CHST11: variants seen among roughly 807,000 people sequenced by gnomAD.
CHST11 encodes the protein carbohydrate sulfotransferase 11.
Under a neutral mutation model 30.4 loss-of-function variants are expected in CHST11, and 9 were observed. The observed-to-expected ratio is 0.30, with a 90% CI of 0.18 to 0.52. The LOEUF is 0.52. Among genes scored for constraint, CHST11 ranks in the 20% least tolerant of loss-of-function variants. CHST11 has a pLI of 0.97. For synonymous variants in CHST11, 152 were observed against 187.8 expected, an observed-to-expected ratio of 0.81 and a Z score of 1.56; for missense variants, 348 against 460.6, an observed-to-expected ratio of 0.76 and a Z score of 2.24.
chr12:104,472,390 TACACACACAC>T (rs111810878), intron 1 of CHST11, among the ~76,000 whole-genome samples: 4 of 149,866 alleles, frequency 2.7e-5, no homozygotes, highest in East Asian at 1.9e-4. Context: ...CAAAGTTTTA[TACACACACAC>T]ACACACACAC....
At chr12:104,739,018 G>A (rs1012284754) in intron 2 of CHST11, among the ~76,000 whole-genome samples, 1 of 152,232 alleles carries the variant, frequency 6.6e-6, no homozygotes, top group Admixed American at 6.5e-5. Context: ...TGCTGGGCAG[G>A]GGTGAGGGGT....
At chr12:104,699,729 TA>T (rs2039976258) in intron 2 of CHST11, among the ~76,000 whole-genome samples, 1 of 152,182 alleles carries the variant, frequency 6.6e-6, no homozygotes, top group South Asian at 2.1e-4. Flanking sequence ...ATAAGCAGAG[TA>T]ACTGGAGCCC....
In CHST11 at chr12:104,457,362, C is replaced by G. The variant is rs749329576; in HGVS notation, c.-50C>G. 7.0e-7 allele frequency: 1 copy of G among 1,423,364 alleles called. No individual in the cohort carries two copies. The highest frequency in any genetic ancestry group is 1.4e-5 in the African/African-American group (1 of 71,184). 88.2% of individuals were successfully genotyped at this position (1,423,364 alleles called of 1,614,324 possible). ...GCGCGGCGGGGTCCCTGCTCCTGCG[C>G]CCCGGGCGCGCTTCCCGGACACCCC... On this transcript the variant is annotated 5_prime_UTR_variant, in exon 1 of 3. Coordinates refer to ENST00000303694, the MANE Select transcript of CHST11 (RefSeq NM_018413.6).
intron 2 of CHST11, among the ~76,000 whole-genome samples, chr12:104,708,859 G>T (rs1385122941): frequency 2.0e-5 from 3 of 152,168 alleles, no homozygotes; most frequent in Non-Finnish European, 2.9e-5. Flanking sequence ...GGGGCCCCTC[G>T]GGTGCCCCAG....
intron 2 of CHST11, among the ~76,000 whole-genome samples, chr12:104,631,789 G>C (rs2039272788): frequency 6.6e-6 from 1 of 152,216 alleles, no homozygotes; most frequent in Admixed American, 6.5e-5. Flanking sequence ...AGTGACAGCA[G>C]AGCCTAAAAC....
At chr12:104,503,156 G>A (rs974987775) in intron 1 of CHST11, among the ~76,000 whole-genome samples, 6 of 152,238 alleles carry the variant, frequency 3.9e-5, no homozygotes, top group Admixed American at 6.5e-5. Context: ...TCCAGACATC[G>A]TCAGGGTGGT....
chr12:104,724,302 G>C (rs1341570815), intron 2 of CHST11, among the ~76,000 whole-genome samples: 1 of 152,078 alleles, frequency 6.6e-6, no homozygotes, highest in Non-Finnish European at 1.5e-5. Context: ...CAGGGGCTTG[G>C]GGGAGGGGAA....
chr12:104,702,288 G>C (rs2039995685), intron 2 of CHST11, among the ~76,000 whole-genome samples: 2 of 152,230 alleles, frequency 1.3e-5, no homozygotes, highest in African/African-American at 4.8e-5. Flanking sequence ...CTGCATGCCA[G>C]ACACTTCTAA....
chr12:104,628,498 G>A (rs780842339), intron 2 of CHST11, among the ~76,000 whole-genome samples: 27 of 152,198 alleles, frequency 1.8e-4, no homozygotes, highest in Non-Finnish European at 3.5e-4. Context: ...TTTGACTTTG[G>A]GCCACTGATG....
At chr12:104,693,995 T>G (rs916343447) in intron 2 of CHST11, among the ~76,000 whole-genome samples, 4 of 152,218 alleles carry the variant, frequency 2.6e-5, no homozygotes, top group African/African-American at 9.6e-5. Flanking sequence ...GTATAGTTAC[T>G]TAAAACAAAA....
Position 104,757,213 on chromosome 12 carries a change from G to A in CHST11, c.469G>A (p.Val157Ile), listed in dbSNP as rs765591058. The change falls in exon 3 of 3, where the codon GTC becomes ATC. Residue 157 changes from valine (V) to isoleucine (I), a missense_variant. Physicochemically the swap from Val to Ile is conservative, Grantham distance 29. Transcript: ENST00000303694. This position sits in a 1 kb window ranked among gnomAD's most constrained non-coding sequence, Gnocchi z 6.5. ...GGAGATCCCGGCCAACGAGGCACACGTCTCCGCCAACCTGAAGACCCTGAA... is the reference window on the plus strand; with the variant it reads ...GGAGATCCCGGCCAACGAGGCACACATCTCCGCCAACCTGAAGACCCTGAA... ...PMEIPANEAH[V>I]SANLKTLNQY... 8.7e-6 allele frequency: 14 copies of A among 1,614,106 alleles called. No homozygotes were observed. Among genetic ancestry groups the A allele is most frequent in the Admixed American group, 3.3e-5 (2 of 60,014 alleles).
chr12:104,574,524 C>G (rs1231206600), intron 1 of CHST11, among the ~76,000 whole-genome samples: 2 of 151,658 alleles, frequency 1.3e-5, no homozygotes, highest in South Asian at 2.1e-4. Flanking sequence ...GAATACTATG[C>G]AGCCATAAAA....
chr12:104,561,403 C>T (rs567442078), intron 1 of CHST11, among the ~76,000 whole-genome samples: 1 of 152,324 alleles, frequency 6.6e-6, no homozygotes, highest in African/African-American at 2.4e-5. Flanking sequence ...TTCATAATCC[C>T]ATTGGCCAGA....
At chr12:104,561,069 C>T (rs1291077534) in intron 1 of CHST11, among the ~76,000 whole-genome samples, 2 of 152,098 alleles carry the variant, frequency 1.3e-5, no homozygotes, top group African/African-American at 2.4e-5. Flanking sequence ...TTCCCATCTG[C>T]GAGATGAGTA....
At chr12:104,582,081 A>T (rs1210442600) in intron 1 of CHST11, among the ~76,000 whole-genome samples, 1 of 152,182 alleles carries the variant, frequency 6.6e-6, no homozygotes, top group Non-Finnish European at 1.5e-5. Flanking sequence ...TGGTTGTAGG[A>T]TGCATCCTTA....
chr12:104,691,573 C>T (rs2039897061), intron 2 of CHST11, among the ~76,000 whole-genome samples: 1 of 149,386 alleles, frequency 6.7e-6, no homozygotes, highest in African/African-American at 2.5e-5. Context: ...CTGCAACCTC[C>T]AACTCCCTGG....
At chr12:104,514,655 A>G (rs983060929) in intron 1 of CHST11, among the ~76,000 whole-genome samples, 8 of 152,192 alleles carry the variant, frequency 5.3e-5, no homozygotes, top group African/African-American at 1.9e-4. Context: ...TTGAAGGCAA[A>G]GAAAAACTGG....
Position 104,757,761 on chromosome 12 carries a change from A to C in CHST11, c.1017A>C (p.Leu339Phe). ...ACGAAGTCTACAAACTCGATTTTTT[A>C]ATGTTCAATTACTCAGTGCCAAGCT... ...QLYEVYKLDF[L>F]MFNYSVPSYL... The change falls in exon 3 of 3, where the codon TTA becomes TTC. Residue 339 changes from leucine to phenylalanine, a missense_variant. By Grantham distance (22) the Leu-to-Phe change is conservative (BLOSUM62 0). Transcript: ENST00000303694. This position sits in a 1 kb window ranked among gnomAD's most constrained non-coding sequence, Gnocchi z 6.5. 6.2e-7 allele frequency: 1 copy of C among 1,614,168 alleles called. No individual in the cohort carries two copies. Among genetic ancestry groups the C allele is most frequent in the Non-Finnish European group, 8.5e-7 (1 of 1,180,022 alleles).
chr12:104,704,540 T>C (rs2136115557), intron 2 of CHST11, among the ~76,000 whole-genome samples: 1 of 152,242 alleles, frequency 6.6e-6, no homozygotes, highest in East Asian at 1.9e-4. Flanking sequence ...CCGTCACTGC[T>C]TGTGGCCTTT....
Sources: allele counts gnomAD v4.1 joint callset (sites outside exome capture counted in the v4.1 genomes callset), GRCh38; gene constraint gnomAD v4.1.1; non-coding constraint Gnocchi (gnomAD v3.1); transcripts MANE v1.5; gene names NCBI Gene and HGNC (gene_info 2026-07-23, HGNC 2026-07-21).